The following FAM184A variants were observed in gnomAD, a reference collection of about 807,000 sequenced individuals.
FAM184A encodes protein FAM184A.
Under a neutral mutation model 143.8 loss-of-function variants are expected in FAM184A, and 99 were observed. The ratio of observed to expected loss-of-function variants is 0.69; its 90% CI spans 0.58 to 0.81. The LOEUF (loss-of-function observed/expected upper bound fraction) is 0.81. FAM184A is among the 40% of genes least tolerant of loss of function. FAM184A has a pLI of 0.00. For missense variants in FAM184A, 1,217 were observed against 1,310.5 expected (o/e 0.93, Z 1.10); for synonymous variants, 427 against 446.4 (o/e 0.96, Z 0.55).
chr6:119,026,602 T>C (rs956308463), intron 1 of FAM184A, among the ~76,000 whole-genome samples: 1 of 152,168 alleles, frequency 6.6e-6, no homozygotes, highest in Non-Finnish European at 1.5e-5. Flanking sequence ...CATTATGGAT[T>C]GGACATGCTG....
chr6:119,094,586 C>T (rs903916538), intron 1 of FAM184A, among the ~76,000 whole-genome samples: 34 of 152,120 alleles, frequency 2.2e-4, no homozygotes, highest in Non-Finnish European at 2.9e-5. Context: ...AAACCTGTTC[C>T]AGAATACCAT....
chr6:119,030,176 T>G (rs777067924), intron 1 of FAM184A, among the ~76,000 whole-genome samples: 25 of 152,146 alleles, frequency 1.6e-4, no homozygotes, highest in Non-Finnish European at 3.1e-4. Flanking sequence ...AAAGCCATGT[T>G]AAATAAGTTT....
At chr6:119,107,792 A>AAAAG (rs71015019) in intron 1 of FAM184A, among the ~76,000 whole-genome samples, 42,946 of 135,678 alleles carry the variant, frequency 0.32, 7,380 homozygotes, top group East Asian at 0.43. Context: ...AAAAAAAAAA[A>AAAAG]AAAGAAAGAA....
chr6:118,980,418 G>A, intron 9 of FAM184A, 68 bp from the exon 10 acceptor site: 3 of 1,209,112 alleles, frequency 2.5e-6, no homozygotes, highest in Non-Finnish European at 3.6e-6. Flanking sequence ...CCCAGCAAAG[G>A]GGGAAAAGCA....
intron 14 of FAM184A, 152 bp from the exon 15 acceptor site, chr6:118,967,104 T>C (rs1783525399): frequency 3.9e-6 from 2 of 507,012 alleles, no homozygotes; most frequent in African/African-American, 4.0e-5. Flanking sequence ...ATGACATGAC[T>C]GCTTCAAGAG....
chr6:118,990,755 C>T (rs1235121964), intron 9 of FAM184A, among the ~76,000 whole-genome samples: 1 of 151,344 alleles, frequency 6.6e-6, no homozygotes, highest in East Asian at 1.9e-4. Flanking sequence ...AGTCATGGCA[C>T]ACACCTGTAA....
intron 1 of FAM184A, among the ~76,000 whole-genome samples, chr6:119,115,964 G>A (rs762817894): frequency 1.3e-3 from 136 of 101,616 alleles, no homozygotes; most frequent in Non-Finnish European, 2.2e-3. Context: ...GAAAGACTCC[G>A]TCTCAAACAC....
At chr6:119,105,834 T>A (rs1028939895) in intron 1 of FAM184A, among the ~76,000 whole-genome samples, 33 of 152,330 alleles carry the variant, frequency 2.2e-4, no homozygotes, top group African/African-American at 7.9e-4. Context: ...TTTATTATAA[T>A]CTGTACTTTG....
chr6:119,011,714 T>C (rs1785096715), intron 5 of FAM184A, among the ~76,000 whole-genome samples: 1 of 152,158 alleles, frequency 6.6e-6, no homozygotes. Context: ...AGATAAAAAA[T>C]TCTAATTACC....
chr6:118,973,596 T>C (rs1008546948), intron 14 of FAM184A, among the ~76,000 whole-genome samples: 1 of 152,112 alleles, frequency 6.6e-6, no homozygotes, highest in Non-Finnish European at 1.5e-5. Flanking sequence ...ATATATTTGA[T>C]TGGAAGAGGA....
chr6:118,962,104 C>G, intron 16 of FAM184A, 141 bp from the exon 17 acceptor site: 1 of 737,490 alleles, frequency 1.4e-6, no homozygotes, highest in Non-Finnish European at 2.2e-6. Context: ...CCAGTGTTAC[C>G]CAAACTGTGG....
At chr6:119,040,365 G>A (rs1487570888) in intron 1 of FAM184A, among the ~76,000 whole-genome samples, 1 of 152,150 alleles carries the variant, frequency 6.6e-6, no homozygotes, top group African/African-American at 2.4e-5. Flanking sequence ...TTCTTCAGCT[G>A]GAGGCATCTG....
intron 1 of FAM184A, among the ~76,000 whole-genome samples, chr6:119,072,627 G>C (rs182199728): frequency 6.6e-6 from 1 of 152,144 alleles, no homozygotes; most frequent in African/African-American, 2.4e-5. Flanking sequence ...TAAAAGCAGA[G>C]TTAGTATAAA....
intron 9 of FAM184A, among the ~76,000 whole-genome samples, chr6:118,994,824 A>G (rs1034550685): frequency 1.3e-5 from 2 of 152,232 alleles, no homozygotes; most frequent in Non-Finnish European, 2.9e-5. Flanking sequence ...AAGACTAATT[A>G]TAATTTATCA....
intron 15 of FAM184A, 51 bp from the exon 16 acceptor site, chr6:118,964,822 T>A: frequency 2.1e-6 from 2 of 968,720 alleles, no homozygotes; most frequent in South Asian, 1.5e-5. Flanking sequence ...TGGAATATTT[T>A]AAAAACATAA....
chr6:119,042,204 G>A (rs1196963427), intron 1 of FAM184A, among the ~76,000 whole-genome samples: 1 of 152,154 alleles, frequency 6.6e-6, no homozygotes, highest in Non-Finnish European at 1.5e-5. Context: ...GTAAAGCCTG[G>A]AACCCAGGAC....
chr6:118,991,084 A>T (rs1323047589), intron 9 of FAM184A, among the ~76,000 whole-genome samples: 1 of 152,106 alleles, frequency 6.6e-6, no homozygotes, highest in Non-Finnish European at 1.5e-5. Flanking sequence ...TATGATTTTT[A>T]AAAAGGCTGG....
intron 1 of FAM184A, among the ~76,000 whole-genome samples, chr6:119,059,206 C>T (rs1479252736): frequency 6.6e-6 from 1 of 152,064 alleles, no homozygotes; most frequent in Non-Finnish European, 1.5e-5. Flanking sequence ...TCTTGAACTC[C>T]TGGACTCAAG....
At chr6:119,018,525 G>A (rs539659315) in intron 4 of FAM184A, among the ~76,000 whole-genome samples, 4 of 152,300 alleles carry the variant, frequency 2.6e-5, no homozygotes, top group East Asian at 3.9e-4. Context: ...GGTGAAAGAC[G>A]GGGCTCAGAA....
Sources: allele counts gnomAD v4.1 joint callset (sites outside exome capture counted in the v4.1 genomes callset), GRCh38; gene constraint gnomAD v4.1.1; transcripts MANE v1.5; gene names NCBI Gene and HGNC (gene_info 2026-07-23, HGNC 2026-07-21).